Variants in RAB7B observed in about 807,000 individuals in gnomAD.
RAB7B encodes ras-related protein Rab-7b.
chr1:205,995,288 T>C (rs1282004106), intron 1 of RAB7B, among the ~76,000 whole-genome samples: 1 of 151,992 alleles, frequency 6.6e-6, no homozygotes, highest in Non-Finnish European at 1.5e-5. Context: ...CAGAAGATGG[T>C]AAACTGTACA....
intron 3 of RAB7B, among the ~76,000 whole-genome samples, chr1:205,993,149 A>G (rs1660753181): frequency 1.3e-5 from 2 of 152,130 alleles, no homozygotes; most frequent in African/African-American, 4.8e-5. Flanking sequence ...TAGGCTTTGC[A>G]GGTCATTCTG....
chr1:205,990,019 T>A (rs1660691054), intron 4 of RAB7B, among the ~76,000 whole-genome samples: 1 of 151,986 alleles, frequency 6.6e-6, no homozygotes, highest in African/African-American at 2.4e-5. Context: ...GGTCTTGAAC[T>A]CCCCCAGCTT....
At chr1:205,991,595 C>T (rs1346336111) in intron 4 of RAB7B, among the ~76,000 whole-genome samples, 1 of 152,226 alleles carries the variant, frequency 6.6e-6, no homozygotes, top group African/African-American at 2.4e-5. Flanking sequence ...GAAGCACCAT[C>T]CCTCTCTCCC....
intron 5 of RAB7B, among the ~76,000 whole-genome samples, chr1:205,981,649 A>C (rs1660493676): frequency 6.8e-6 from 1 of 147,292 alleles, no homozygotes. Flanking sequence ...GGTCTCTTTC[A>C]GAATATTAAC....
chr1:205,989,226 C>A lies in RAB7B; in HGVS notation c.396+3254G>T, dbSNP rs1003275445. On this transcript the variant is annotated intron_variant, in intron 4 of 5. Transcript: ENST00000617070. Reference sequence around the variant, plus strand: ...TTTTCCTAGAGTCACGCTTCCCCAGCGCCCCCTCTTGCCTTCCCCACTGGG... The same window carrying A: ...TTTTCCTAGAGTCACGCTTCCCCAGAGCCCCCTCTTGCCTTCCCCACTGGG... Among the ~76,000 whole-genome samples, 151 of 152,270 alleles carry A rather than the reference C, an allele frequency of 9.9e-4. 1 individual carries two copies. The highest frequency in any genetic ancestry group is 1.7e-3 in the South Asian group (8 of 4,830).
chr1:205,984,748 C>T (rs1266124939), intron 5 of RAB7B, among the ~76,000 whole-genome samples: 3 of 152,188 alleles, frequency 2.0e-5, no homozygotes, highest in Non-Finnish European at 4.4e-5. Flanking sequence ...TGTCATGAAG[C>T]CCCTGCTTTC....
intron 5 of RAB7B, among the ~76,000 whole-genome samples, chr1:205,979,608 G>A (rs1660450059): frequency 6.6e-6 from 1 of 152,100 alleles, no homozygotes; most frequent in Non-Finnish European, 1.5e-5. Flanking sequence ...TAAGCAGATG[G>A]GTTCCTCAGG....
chr1:205,981,769 C>T (rs1391778724), intron 5 of RAB7B, among the ~76,000 whole-genome samples: 1 of 80,596 alleles, frequency 1.2e-5, no homozygotes, highest in East Asian at 3.3e-4. Flanking sequence ...GTTAGCTGAA[C>T]ACCTACTGTG....
chr1:205,980,583 G>A (rs1207319046), intron 5 of RAB7B, among the ~76,000 whole-genome samples: 1 of 152,212 alleles, frequency 6.6e-6, no homozygotes, highest in Non-Finnish European at 1.5e-5. Flanking sequence ...TGTTCCCCCA[G>A]TCTGGCCACC....
rs1660761247 is a variant in RAB7B, at chr1:205,993,555, A to C, written c.54-9T>G. ...GGGAGGTCTTTCCCACACTGAGGAA[A>C]ATTCCAGACACATGTGAACACACAC... On this transcript the variant is annotated splice_polypyrimidine_tract_variant and intron_variant, in intron 2 of 5. Coordinates refer to ENST00000617070, the MANE Select transcript of RAB7B (RefSeq NM_001164522.3). The C allele has an allele frequency of 2.5e-6, 1 of 398,454 alleles. No homozygotes were observed. Among genetic ancestry groups the C allele is most frequent in the South Asian group, 1.3e-4 (1 of 7,854 alleles). 24.7% of individuals were successfully genotyped at this position (398,454 alleles called of 1,614,324 possible).
At chr1:205,988,312 T>C (rs1660651760) in intron 4 of RAB7B, among the ~76,000 whole-genome samples, 1 of 146,380 alleles carries the variant, frequency 6.8e-6, no homozygotes, top group Non-Finnish European at 1.5e-5. Flanking sequence ...CACTGCAGCC[T>C]CTCCCTCCCG....
chr1:205,988,126 T>C (rs2102636579), intron 4 of RAB7B, among the ~76,000 whole-genome samples: 1 of 152,248 alleles, frequency 6.6e-6, no homozygotes, highest in African/African-American at 2.4e-5. Context: ...CTATTCATCT[T>C]CAGAATTTTC....
chr1:205,996,369 G>C (rs1660813429), intron 1 of RAB7B, among the ~76,000 whole-genome samples: 1 of 152,172 alleles, frequency 6.6e-6, no homozygotes, highest in African/African-American at 2.4e-5. Context: ...TGGTCAGCTT[G>C]TGTTTCCCCT....
chr1:205,987,337 T>C (rs969040039), intron 4 of RAB7B, among the ~76,000 whole-genome samples: 1 of 152,210 alleles, frequency 6.6e-6, no homozygotes, highest in Non-Finnish European at 1.5e-5. Flanking sequence ...ACATGGGAAG[T>C]ATGATAATTC....
At chr1:206,003,077 C>T (rs1437757164) in intron 1 of RAB7B, among the ~76,000 whole-genome samples, 176 bp downstream of exon 1, 4 of 152,228 alleles carry the variant, frequency 2.6e-5, no homozygotes, top group Admixed American at 1.3e-4. Flanking sequence ...CTTGCTGCCA[C>T]ACCCTGGGAG....
chr1:205,990,486 G>A (rs1261174878), intron 4 of RAB7B, among the ~76,000 whole-genome samples: 1 of 152,196 alleles, frequency 6.6e-6, no homozygotes, highest in African/African-American at 2.4e-5. Context: ...TCCCCCAGTG[G>A]AGCCAGAATG....
intron 4 of RAB7B, among the ~76,000 whole-genome samples, chr1:205,991,081 T>C (rs1660715083): frequency 6.6e-6 from 1 of 152,174 alleles, no homozygotes; most frequent in African/African-American, 2.4e-5. Flanking sequence ...AAGACTGTCT[T>C]ATGATAGTAC....
chr1:205,983,699 A>C (rs1660538800), intron 5 of RAB7B: 1 of 152,088 alleles, frequency 6.6e-6, no homozygotes, highest in Non-Finnish European at 1.5e-5. Flanking sequence ...TGACCTCCAG[A>C]CTTCTGATCA....
At chr1:205,995,010 AC>A (rs1660786624) in intron 1 of RAB7B, among the ~76,000 whole-genome samples, 1 of 152,126 alleles carries the variant, frequency 6.6e-6, no homozygotes, top group Non-Finnish European at 1.5e-5. Context: ...ATTGCAAGGA[AC>A]AAAAACCAAA....
Sources: allele counts gnomAD v4.1 joint callset (sites outside exome capture counted in the v4.1 genomes callset), GRCh38; gene constraint gnomAD v4.1.1; transcripts MANE v1.5; gene names NCBI Gene and HGNC (gene_info 2026-07-23, HGNC 2026-07-21).